RAMP3: variants seen among roughly 807,000 people sequenced by gnomAD.
RAMP3 encodes the protein receptor activity modifying protein 3.
Under a neutral mutation model 13.5 loss-of-function variants are expected in RAMP3, and 14 were observed. The ratio of observed to expected loss-of-function variants is 1.04; its 90% CI spans 0.69 to 1.63. The LOEUF is 1.63. Among genes scored for constraint, RAMP3 ranks in the 40% most tolerant of loss-of-function variants. The pLI is 0.00. For missense variants in RAMP3, 200 were observed against 204.8 expected (o/e 0.98, Z 0.14); for synonymous variants, 106 against 88.3 (o/e 1.20, Z -1.12).
intron 2 of RAMP3, among the ~76,000 whole-genome samples, chr7:45,178,527 C>G (rs1786239155): frequency 6.6e-6 from 1 of 152,254 alleles, no homozygotes; most frequent in Non-Finnish European, 1.5e-5. Context: ...CAGATGGGGG[C>G]TTCTTGAGGC....
At chr7:45,170,400 G>A (rs1013567475) in intron 1 of RAMP3, among the ~76,000 whole-genome samples, 2 of 151,804 alleles carry the variant, frequency 1.3e-5, no homozygotes, top group Non-Finnish European at 2.9e-5. Context: ...GTGCAATGGC[G>A]CAATCTTGGC....
intron 1 of RAMP3, among the ~76,000 whole-genome samples, chr7:45,164,491 C>A (rs965821663): frequency 6.6e-6 from 1 of 152,004 alleles, no homozygotes; most frequent in African/African-American, 2.4e-5. Context: ...GTCATGATCA[C>A]ACCACTGTAC....
chr7:45,158,625 A>AG (rs1204981273), intron 1 of RAMP3, among the ~76,000 whole-genome samples: 1 of 152,066 alleles, frequency 6.6e-6, no homozygotes, highest in East Asian at 1.9e-4. Flanking sequence ...GTGCTTGCTG[A>AG]GGGCTGGGGT....
chr7:45,157,855 G>T lies in RAMP3; in HGVS notation c.27G>T (p.Pro9=), dbSNP rs1447506087. The change falls in exon 1 of 3, where the codon CCG becomes CCT. Residue 9 remains proline (P), a synonymous_variant. Coordinates refer to ENST00000242249, the MANE Select transcript of RAMP3 (RefSeq NM_005856.3). ...TGGAGACTGGAGCGCTGCGGCGCCC[G>T]CAACTTCTCCCGTTGCTGCTGCTGC... is the stretch of plus-strand genomic sequence containing the variant. METGALRR[P]QLLPLLLLLC... 1.5e-6 allele frequency: 2 copies of T among 1,352,716 alleles called. No individual in the cohort carries two copies. The highest frequency in any genetic ancestry group is 1.9e-6 in the Non-Finnish European group (2 of 1,052,902). 83.8% of individuals were successfully genotyped at this position (1,352,716 alleles called of 1,614,324 possible).
chr7:45,183,523 C>A lies in RAMP3; in HGVS notation c.*111C>A. On this transcript the variant is annotated 3_prime_UTR_variant, in exon 3 of 3. Transcript: ENST00000242249. Reference sequence around the variant, plus strand: ...CTCCAGCTACTGTGGCCACACCCCACCTGGTCATGGGCAGACCCCTCCCTT... The same window carrying A: ...CTCCAGCTACTGTGGCCACACCCCAACTGGTCATGGGCAGACCCCTCCCTT... The A allele has an allele frequency of 6.8e-7, 1 of 1,477,488 alleles. No homozygotes were observed. The highest frequency in any genetic ancestry group is 2.2e-4 in the Middle Eastern group (1 of 4,576). The allele number at this position is 1,477,488 out of a possible 1,614,324, so 91.5% of individuals were successfully genotyped here.
At chr7:45,173,870 G>A (rs3757577) in intron 1 of RAMP3, among the ~76,000 whole-genome samples, 12,100 of 152,198 alleles carry the variant, frequency 0.08, 562 homozygotes, top group East Asian at 0.12. Context: ...CATTCATGGC[G>A]CAAATGCTGC....
intron 1 of RAMP3, among the ~76,000 whole-genome samples, chr7:45,176,451 A>T (rs1402646504): frequency 1.3e-5 from 2 of 151,998 alleles, no homozygotes; most frequent in Admixed American, 1.3e-4. Context: ...GTGCACACAC[A>T]CACACACACC....
At chr7:45,171,033 A>G (rs886128600) in intron 1 of RAMP3, among the ~76,000 whole-genome samples, 2 of 151,720 alleles carry the variant, frequency 1.3e-5, no homozygotes, top group Non-Finnish European at 1.5e-5. Flanking sequence ...ATTTTTATTC[A>G]TCTCAAAACC....
chr7:45,174,720 C>T (rs1786146884), intron 1 of RAMP3, among the ~76,000 whole-genome samples: 1 of 152,132 alleles, frequency 6.6e-6, no homozygotes, highest in African/African-American at 2.4e-5. Context: ...TCCTGACACT[C>T]TGTCCTGGGT....
intron 2 of RAMP3, among the ~76,000 whole-genome samples, chr7:45,177,976 G>A (rs573086548): frequency 1.3e-5 from 2 of 151,242 alleles, no homozygotes; most frequent in East Asian, 2.0e-4. Context: ...TGCCCTGCCC[G>A]GGGAGTGTCC....
chr7:45,167,941 A>G (rs1786002871), intron 1 of RAMP3, among the ~76,000 whole-genome samples: 1 of 152,152 alleles, frequency 6.6e-6, no homozygotes, highest in Non-Finnish European at 1.5e-5. Flanking sequence ...GCTTTTCCAT[A>G]GAAACTTTAG....
intron 1 of RAMP3, among the ~76,000 whole-genome samples, chr7:45,160,330 CAAAAAAAAAAAAAAAAAAAAAAAAAA>C (rs34833718): frequency 3.4e-4 from 6 of 17,870 alleles, no homozygotes; most frequent in South Asian, 4.6e-3. Flanking sequence ...GACTCTGCCT[CAAAAAAAAAAAAAAAAAAAAAAAAAA>C]AAAAAAAAAA....
intron 2 of RAMP3, among the ~76,000 whole-genome samples, chr7:45,180,271 T>A (rs1451456402): frequency 1.3e-5 from 2 of 152,228 alleles, no homozygotes; most frequent in South Asian, 4.1e-4. Context: ...TGGAGGGCAC[T>A]TGATGCTTAC....
At chr7:45,160,160 G>A (rs113392969) in intron 1 of RAMP3, among the ~76,000 whole-genome samples, 7 of 151,668 alleles carry the variant, frequency 4.6e-5, no homozygotes, top group South Asian at 2.1e-4. Context: ...GTGAAACTCC[G>A]TCTCTACTAA....
intron 1 of RAMP3, among the ~76,000 whole-genome samples, chr7:45,173,899 A>G (rs1786126906): frequency 6.6e-6 from 1 of 151,944 alleles, no homozygotes; most frequent in African/African-American, 2.4e-5. Context: ...TCCTGACACC[A>G]GGCCTGAGCT....
intron 1 of RAMP3, among the ~76,000 whole-genome samples, chr7:45,162,703 G>A (rs1370936585): frequency 1.3e-5 from 2 of 152,212 alleles, no homozygotes; most frequent in Admixed American, 6.5e-5. Flanking sequence ...CAGTACTGAG[G>A]GGGGTGGAGA....
intron 1 of RAMP3, among the ~76,000 whole-genome samples, chr7:45,164,750 G>A (rs1785925494): frequency 6.6e-6 from 1 of 152,120 alleles, no homozygotes; most frequent in Non-Finnish European, 1.5e-5. Context: ...AACATACTTT[G>A]TCTGATATTA....
intron 2 of RAMP3, among the ~76,000 whole-genome samples, chr7:45,181,488 G>A (rs751314957): frequency 1.3e-5 from 2 of 152,228 alleles, no homozygotes; most frequent in South Asian, 4.1e-4. Context: ...CCCTGGGGAT[G>A]GTTGTTGGGG....
At chr7:45,176,279 C>G (rs1786184494) in intron 1 of RAMP3, among the ~76,000 whole-genome samples, 1 of 152,064 alleles carries the variant, frequency 6.6e-6, no homozygotes, top group African/African-American at 2.4e-5. Context: ...ATGGTATTTC[C>G]TCTAGCCCAG....
Sources: gnomAD v4.1 joint callset for allele counts (sites outside exome capture counted in the v4.1 genomes callset) on GRCh38, gnomAD v4.1.1 for gene constraint, MANE v1.5 for transcripts, NCBI Gene and HGNC (gene_info 2026-07-23, HGNC 2026-07-21) for gene names.